COMMD1: variants seen among roughly 807,000 people sequenced by gnomAD.
COMMD1 encodes COMM domain-containing protein 1.
In COMMD1, 10 loss-of-function variants were observed where a neutral mutation model predicts 17.2. The observed-to-expected ratio is 0.58, with a 90% CI of 0.36 to 0.99. The LOEUF is 0.99. COMMD1 is among the 50% of genes least tolerant of loss of function. The pLI is 0.01. For synonymous variants in COMMD1, 97 were observed against 91.6 expected (o/e 1.06, Z -0.34); for missense variants, 270 against 231.8 (o/e 1.17, Z -1.07).
intron 2 of COMMD1, among the ~76,000 whole-genome samples, chr2:62,054,399 G>A (rs1448875656): frequency 6.6e-6 from 1 of 152,212 alleles, no homozygotes; most frequent in Non-Finnish European, 1.5e-5. Flanking sequence ...CTACTCGTAT[G>A]TTTATCACAG....
At chr2:61,994,050 A>G (rs1162356025) in intron 1 of COMMD1, among the ~76,000 whole-genome samples, 1 of 151,894 alleles carries the variant, frequency 6.6e-6, no homozygotes, top group Admixed American at 6.6e-5. Context: ...GCAGTGGCGC[A>G]ATCTTGGCTC....
At chr2:62,037,566 C>T (rs1159758025) in intron 2 of COMMD1, among the ~76,000 whole-genome samples, 1 of 152,122 alleles carries the variant, frequency 6.6e-6, no homozygotes, top group Admixed American at 6.5e-5. Context: ...TGGATTAGAA[C>T]TTTATGGATT....
At chr2:61,999,446 A>T (rs1037456612) in intron 1 of COMMD1, among the ~76,000 whole-genome samples, 12 of 152,238 alleles carry the variant, frequency 7.9e-5, no homozygotes, top group African/African-American at 2.7e-4. Context: ...TAAGATAAAT[A>T]CATTCACTTA....
intron 2 of COMMD1, among the ~76,000 whole-genome samples, chr2:62,043,358 T>C (rs1670292344): frequency 6.6e-6 from 1 of 152,254 alleles, no homozygotes. Flanking sequence ...CTTTACATTT[T>C]TATTTTTTAG....
chr2:61,892,635 G>A (rs554508129), intron 1 of COMMD1, among the ~76,000 whole-genome samples: 14 of 149,022 alleles, frequency 9.4e-5, no homozygotes, highest in South Asian at 4.2e-4. Flanking sequence ...TGGAGGTTGC[G>A]GTGAGCCGAG....
At chr2:61,910,189 T>C (rs1007357809) in intron 1 of COMMD1, among the ~76,000 whole-genome samples, 3 of 152,150 alleles carry the variant, frequency 2.0e-5, no homozygotes, top group African/African-American at 7.2e-5. Flanking sequence ...GGAGATAACA[T>C]CCTATAGATA....
chr2:62,076,324 AG>A (rs1242858679), intron 2 of COMMD1, among the ~76,000 whole-genome samples: 2 of 152,230 alleles, frequency 1.3e-5, no homozygotes, highest in Non-Finnish European at 2.9e-5. Context: ...AGAGGGACCA[AG>A]ATGAGGCAAG....
At chr2:62,041,173 A>C (rs1670183927) in intron 2 of COMMD1, among the ~76,000 whole-genome samples, 1 of 152,234 alleles carries the variant, frequency 6.6e-6, no homozygotes, top group Non-Finnish European at 1.5e-5. Context: ...AGTAGATGCC[A>C]TCATCTAACA....
At chr2:62,090,687 C>T (rs1216605643) in intron 2 of COMMD1, 1 of 152,086 alleles carries the variant, frequency 6.6e-6, no homozygotes, top group African/African-American at 2.4e-5. Flanking sequence ...CAGAAGCGGC[C>T]CTTCCCCGTA....
At chr2:61,994,658 T>TTGCAGGAAGGCC (rs1668704720) in intron 1 of COMMD1, among the ~76,000 whole-genome samples, 1 of 152,086 alleles carries the variant, frequency 6.6e-6, no homozygotes, top group Admixed American at 6.6e-5. Context: ...CATTATAGAA[T>TTGCAGGAAGGCC]TGCAGGAAGG....
chr2:61,981,348 A>G (rs1262742556), intron 1 of COMMD1, among the ~76,000 whole-genome samples: 2 of 152,176 alleles, frequency 1.3e-5, no homozygotes, highest in African/African-American at 4.8e-5. Flanking sequence ...ATAGGGGTCT[A>G]GTTTCAGATC....
intron 1 of COMMD1, among the ~76,000 whole-genome samples, chr2:61,941,048 T>A (rs1333043021): frequency 6.6e-6 from 1 of 151,058 alleles, no homozygotes; most frequent in Admixed American, 6.6e-5. Context: ...CCCCCCCTTT[T>A]TTTTTGGGAT....
chr2:61,946,371 C>T (rs1402680425), intron 1 of COMMD1, among the ~76,000 whole-genome samples: 4 of 152,104 alleles, frequency 2.6e-5, no homozygotes, highest in Non-Finnish European at 5.9e-5. Flanking sequence ...GGCAAAATGT[C>T]AAAAGGTTCG....
At chr2:61,968,964 T>TTTA in intron 1 of COMMD1, 1 of 296,226 alleles carries the variant, frequency 3.4e-6, no homozygotes, top group Non-Finnish European at 6.9e-6. Context: ...TTTTTTTTTT[T>TTTA]AAAGACAGGA....
intron 2 of COMMD1, among the ~76,000 whole-genome samples, chr2:62,127,062 A>G (rs1672905250): frequency 6.6e-6 from 1 of 152,200 alleles, no homozygotes; most frequent in South Asian, 2.1e-4. Flanking sequence ...AAAAGTCACA[A>G]GCATTCCTGT....
At chr2:61,908,519 C>CTAAATA (rs1485841105) in intron 1 of COMMD1, among the ~76,000 whole-genome samples, 1 of 151,190 alleles carries the variant, frequency 6.6e-6, no homozygotes, top group Admixed American at 6.6e-5. Flanking sequence ...GCCACTGCAC[C>CTAAATA]CAGCCTTTAT....
intron 2 of COMMD1, among the ~76,000 whole-genome samples, chr2:62,079,995 C>A (rs1671473526): frequency 6.6e-6 from 1 of 152,138 alleles, no homozygotes; most frequent in Admixed American, 6.5e-5. Flanking sequence ...AAGTTAGCAC[C>A]CAAAGAATTA....
At chr2:62,127,284 G>A (rs1388996555) in intron 2 of COMMD1, among the ~76,000 whole-genome samples, 3 of 152,134 alleles carry the variant, frequency 2.0e-5, no homozygotes, top group Non-Finnish European at 2.9e-5. Flanking sequence ...TCAATATTGC[G>A]AAAATGGCCA....
intron 2 of COMMD1, among the ~76,000 whole-genome samples, chr2:62,123,520 AAG>A (rs1038581842): frequency 1.4e-5 from 2 of 146,970 alleles, no homozygotes; most frequent in African/African-American, 5.4e-5. Flanking sequence ...ATTAAAAAAA[AAG>A]AAAAAAAAAA....
Sources: gnomAD v4.1 joint callset for allele counts (sites outside exome capture counted in the v4.1 genomes callset) on GRCh38, gnomAD v4.1.1 for gene constraint, MANE v1.5 for transcripts, NCBI Gene and HGNC (gene_info 2026-07-23, HGNC 2026-07-21) for gene names.